Variants in DLAT observed in about 807,000 individuals in gnomAD.
DLAT encodes the protein dihydrolipoamide S-acetyltransferase.
DLAT carries 43 observed loss-of-function variants against 68.0 expected under a neutral mutation model. That is an observed-to-expected ratio of 0.63 (90% CI 0.50 to 0.81). The LOEUF (loss-of-function observed/expected upper bound fraction) is 0.81, where lower values mean the gene tolerates loss of function less well. Among genes scored for constraint, DLAT ranks in the 40% least tolerant of loss-of-function variants. DLAT has a pLI of 0.00. For missense variants in DLAT, 745 were observed against 815.4 expected (o/e 0.91, Z 1.05); for synonymous variants, 265 against 288.6 (o/e 0.92, Z 0.83).
chr11:112,045,469 C>T (rs948829432), intron 9 of DLAT, among the ~76,000 whole-genome samples: 26 of 152,136 alleles, frequency 1.7e-4, no homozygotes, highest in African/African-American at 6.0e-4. Context: ...GGGCAGATCA[C>T]AAGGTCCAGA....
rs1198006101 is a variant in DLAT at position 112,025,679 on chromosome 11, G to A, written c.207G>A (p.Pro69=). 1.2e-6 allele frequency: 2 copies of A among 1,612,964 alleles called. No individual in the cohort carries two copies. Among genetic ancestry groups the A allele is most frequent in the East Asian group, 2.2e-5 (1 of 44,894 alleles). ...GGACCCCCAGTTCTGGGGCCACGCC[G>A]CGGAACCGCTTACTGCTGCAGCTTT... ...CGWTPSSGAT[P]RNRLLLQLLG... The change falls in exon 1 of 14, where the codon CCG becomes CCA. Residue 69 remains proline (P), a synonymous_variant. Coordinates refer to ENST00000280346, the MANE Select transcript of DLAT (RefSeq NM_001931.5).
intron 5 of DLAT, among the ~76,000 whole-genome samples, chr11:112,036,197 GTGTGTTTTTTTTTTT>G (rs1862747949): frequency 1.0e-4 from 6 of 59,564 alleles, no homozygotes; most frequent in East Asian, 8.8e-4. Flanking sequence ...GTGTGTGTGT[GTGTGTTTTTTTTTTT>G]TTTTTTTTTT....
At chr11:112,049,841 A>C (rs587757762) in intron 10 of DLAT, among the ~76,000 whole-genome samples, 1 of 152,256 alleles carries the variant, frequency 6.6e-6, no homozygotes, top group East Asian at 1.9e-4. Flanking sequence ...CTGCAAATAG[A>C]GATAATTTTA....
rs144677434 is a variant in DLAT at position 112,028,515 on chromosome 11, G to A, written c.382G>A (p.Val128Ile). The part of the protein sequence containing the change: ...KINEGDLIAE[V>I]ETDKATVGFE... ...GAGCTACTGCTTTTTGTGTTAAAAG[G>A]TTGAAACTGATAAAGCCACTGTTGG... The change falls in exon 3 of 14, where the codon GTT (valine) becomes ATT (isoleucine). Residue 128 changes from valine (V) to isoleucine (I), a missense_variant and splice_region_variant. Physicochemically the swap from Val to Ile is conservative, Grantham distance 29. Coordinates refer to ENST00000280346, the MANE Select transcript of DLAT (RefSeq NM_001931.5). The A allele has an allele frequency of 6.0e-5, 97 of 1,613,506 alleles. No homozygotes were observed. In the African/African-American group the frequency reaches 1.2e-3, roughly 19 times the overall value.
At chr11:112,027,756 C>G (rs1862144492) in intron 2 of DLAT, among the ~76,000 whole-genome samples, 2 of 152,218 alleles carry the variant, frequency 1.3e-5, no homozygotes, top group Admixed American at 1.3e-4. Context: ...GAAAACCAGT[C>G]AGGCGTGGCG....
intron 1 of DLAT, 73 bp downstream of exon 1, chr11:112,025,824 T>TGA: frequency 6.4e-7 from 1 of 1,574,004 alleles, no homozygotes; most frequent in Non-Finnish European, 8.6e-7. Context: ...AGATCCTCCT[T>TGA]GAGAGGCCTC....
chr11:112,062,518 A>G lies in DLAT; in HGVS notation c.1927A>G (p.Ile643Val), dbSNP rs782775760. ...AEFRKYLEKP[I>V]TMLL is the part of the protein sequence containing the mutation. ...GTTTAGAAAGTACCTTGAAAAACCT[A>G]TCACTATGTTGTTGTAACTAACTCA... Residue 643 changes from isoleucine (I) to valine (V), a missense_variant, in exon 14 of 14, where the codon ATC (isoleucine) becomes GTC (valine). By Grantham distance (29) the Ile-to-Val change is conservative (BLOSUM62 3). Coordinates refer to ENST00000280346, the MANE Select transcript of DLAT (RefSeq NM_001931.5). 2.5e-6 allele frequency: 4 copies of G among 1,612,422 alleles called. No individual in the cohort carries two copies. The highest frequency in any genetic ancestry group is 2.1e-4 in the Middle Eastern group (1 of 4,716).
chr11:112,060,188 G>A, intron 12 of DLAT, 123 bp downstream of exon 12: 1 of 806,354 alleles, frequency 1.2e-6, no homozygotes, highest in Non-Finnish European at 1.9e-6. Flanking sequence ...TTTTGAGACG[G>A]AGTCTCTCTG....
Position 112,039,269 on chromosome 11 carries a change from A to G in DLAT, c.1001A>G (p.Gln334Arg). ...GTGGCCGCTGTTCCTCCAACTCCCC[A>G]GCCTTTAGCTCCTACACCTTCAGCA... ...PPVAAVPPTPQPLAPTPSAPC... is the reference protein window; with the variant it reads ...PPVAAVPPTPRPLAPTPSAPC... Residue 334 changes from glutamine to arginine, a missense_variant, in exon 7 of 14, where the codon CAG (glutamine) becomes CGG (arginine). By Grantham distance (43) the Gln-to-Arg change is conservative. Coordinates refer to ENST00000280346, the MANE Select transcript of DLAT (RefSeq NM_001931.5). 1 of 1,614,100 alleles carries G rather than the reference A, an allele frequency of 6.2e-7. No individual in the cohort carries two copies. Among genetic ancestry groups the G allele is most frequent in the Non-Finnish European group, 8.5e-7 (1 of 1,180,004 alleles).
At position 112,062,594 on chromosome 11, in the gene DLAT, TTA is replaced by T. The variant is rs1864707088; in HGVS notation, c.*63_*64del. 2 of 1,559,188 alleles carry T rather than the reference TTA, an allele frequency of 1.3e-6. No homozygotes were observed. The highest frequency in any genetic ancestry group is 1.7e-5 in the Admixed American group (1 of 59,146). Reference sequence around the variant, plus strand: ...CACTGATTCATTCTTAACAAGATATTTATATGTTATTAAACAGGTGGTTCTTT... The same window carrying T: ...CACTGATTCATTCTTAACAAGATATTTATGTTATTAAACAGGTGGTTCTTT... On this transcript the variant is annotated 3_prime_UTR_variant, in exon 14 of 14. Transcript: ENST00000280346.
intron 4 of DLAT, chr11:112,029,963 A>G: frequency 1.0e-6 from 1 of 962,336 alleles, no homozygotes; most frequent in Non-Finnish European, 1.6e-6. Flanking sequence ...CATGCTTCCC[A>G]TCCAGCCAAT....
At position 112,064,196 on chromosome 11, in the gene DLAT, G is replaced by A. The variant is rs782067312; in HGVS notation, c.*1661G>A. The A allele has an allele frequency of 1.1e-5, 17 of 1,565,734 alleles. 1 individual carries two copies. The highest frequency in any genetic ancestry group is 7.6e-5 in the Admixed American group (4 of 52,288). ...AAACTTCAAAGATAATTCATCTTTC[G>A]CTAATGCTTGTGGTTCTGTTGTTCC... On this transcript the variant is annotated 3_prime_UTR_variant, in exon 14 of 14. Coordinates refer to ENST00000280346, the MANE Select transcript of DLAT (RefSeq NM_001931.5).
chr11:112,039,930 C>T (rs1180973504), intron 7 of DLAT, among the ~76,000 whole-genome samples: 1 of 152,176 alleles, frequency 6.6e-6, no homozygotes, highest in Non-Finnish European at 1.5e-5. Flanking sequence ...GACCACCTAG[C>T]ATTTAATCCT....
chr11:112,038,063 C>T (rs1255464086), intron 6 of DLAT, among the ~76,000 whole-genome samples: 1 of 152,140 alleles, frequency 6.6e-6, no homozygotes, highest in Non-Finnish European at 1.5e-5. Flanking sequence ...ATAACACTGA[C>T]AGTGAAGCTT....
rs1863231310 is a variant in DLAT at position 112,045,020 on chromosome 11, G to A, written c.1198-118G>A. 9 of 779,560 alleles carry A rather than the reference G, an allele frequency of 1.2e-5. No individual in the cohort carries two copies. In the South Asian group the frequency reaches 1.2e-4, roughly 11 times the overall value. 48.3% of individuals were successfully genotyped at this position (779,560 alleles called of 1,614,324 possible). ...ACTGCATTCTAGCCTGGGTGACAGAGCAAGACTCTGTCTCAAAAGACAAAA... is the reference window on the plus strand; with the variant it reads ...ACTGCATTCTAGCCTGGGTGACAGAACAAGACTCTGTCTCAAAAGACAAAA... On this transcript the variant is annotated intron_variant, in intron 8 of 13. Transcript: ENST00000280346.
chr11:112,049,804 G>GT (rs1470795791), intron 10 of DLAT, among the ~76,000 whole-genome samples: 2 of 151,838 alleles, frequency 1.3e-5, no homozygotes, highest in East Asian at 3.9e-4. Context: ...TATTTCTTAG[G>GT]TTTTTCTGTA....
At position 112,058,617 on chromosome 11, in the gene DLAT, G is replaced by GC. The variant is rs797033107; in HGVS notation, c.1515-1286_1515-1285insC. Among the ~76,000 whole-genome samples the GC allele has an allele frequency of 3.8e-4, 11 of 29,048 alleles. No individual in the cohort carries two copies. In the East Asian group the frequency reaches 0.013, roughly 34 times the overall value. 19.1% of individuals were successfully genotyped at this position (29,048 alleles called of 152,430 possible). On this transcript the variant is annotated intron_variant, in intron 11 of 13. Transcript: ENST00000280346. ...GTGAACTTCAGTTGGGGTGGGGGAA[G>GC]GGGGGGGTGGGGGGGGGGAATCACC...
intron 13 of DLAT, chr11:112,061,449 G>T (rs1043338976): frequency 2.6e-6 from 1 of 391,182 alleles, no homozygotes; most frequent in Admixed American, 4.1e-5. Flanking sequence ...TTCAAGTTGT[G>T]CTTACTGGAA....
In DLAT at chr11:112,059,406, G is replaced by A. The variant is rs587724534; in HGVS notation, c.1515-497G>A. ...CGGTGGGGTCAGGGGCAGGGGCAGC[G>A]TTGGGGGATGGAGTCTCGCTCTGCT... On this transcript the variant is annotated intron_variant, in intron 11 of 13. Coordinates refer to ENST00000280346, the MANE Select transcript of DLAT (RefSeq NM_001931.5). 2.1e-4 allele frequency among the ~76,000 whole-genome samples: 31 copies of A among 149,294 alleles called. No individual in the cohort carries two copies. In the South Asian group the frequency reaches 6.2e-3, roughly 30 times the overall value.
Sources: allele counts gnomAD v4.1 joint callset (sites outside exome capture counted in the v4.1 genomes callset), GRCh38; gene constraint gnomAD v4.1.1; transcripts MANE v1.5; gene names NCBI Gene and HGNC (gene_info 2026-07-23, HGNC 2026-07-21).